Variants in GRIK1 observed in about 807,000 individuals in gnomAD.
The protein encoded by GRIK1 is glutamate receptor ionotropic, kainate 1.
In GRIK1, 69 loss-of-function variants were observed where a neutral mutation model predicts 105.7. That is an observed-to-expected ratio of 0.65 (90% CI 0.54 to 0.80). The LOEUF (loss-of-function observed/expected upper bound fraction) is 0.80. Among genes scored for constraint, GRIK1 ranks in the 30% least tolerant of loss-of-function variants. The probability of loss-of-function intolerance (pLI) is 0.00; values close to 1 mark genes in which losing one functional copy is unlikely to be tolerated. For synonymous variants in GRIK1, 438 were observed against 431.3 expected (o/e 1.02, Z -0.19); for missense variants, 1,109 against 1,167.3 (o/e 0.95, Z 0.73).
At chr21:29,797,705 G>A (rs1386037485) in intron 1 of GRIK1, among the ~76,000 whole-genome samples, 1 of 152,140 alleles carries the variant, frequency 6.6e-6, no homozygotes, top group African/African-American at 2.4e-5. Context: ...ACCTTGAAAA[G>A]AACAGTTCCA....
chr21:29,846,455 AAGAG>A (rs1251118465), intron 1 of GRIK1, among the ~76,000 whole-genome samples: 2 of 103,374 alleles, frequency 1.9e-5, no homozygotes, highest in Non-Finnish European at 3.8e-5. Flanking sequence ...GAAAGAAGGA[AAGAG>A]AGAGAGAAAG....
chr21:29,831,785 C>T (rs147373978), intron 1 of GRIK1, among the ~76,000 whole-genome samples: 1 of 152,202 alleles, frequency 6.6e-6, no homozygotes, highest in East Asian at 1.9e-4. Context: ...CTGCCCCCAG[C>T]CCCTCCAACA....
chr21:29,560,349 TTCTTTCTTTTTCTTTCTTCCTTC>T (rs2090384533), intron 15 of GRIK1, among the ~76,000 whole-genome samples: 16 of 105,410 alleles, frequency 1.5e-4, no homozygotes, highest in Admixed American at 8.1e-4. Context: ...CTTTCTTTCT[TTCTTTCTTTTTCTTTCTTCCTTC>T]CTTCCTTCCT....
intron 1 of GRIK1, among the ~76,000 whole-genome samples, chr21:29,937,797 A>ATAT (rs752883759): frequency 1.3e-5 from 2 of 149,394 alleles, no homozygotes; most frequent in African/African-American, 4.9e-5. Flanking sequence ...TGTTCAGAAT[A>ATAT]TTTTTTTTTT....
At chr21:29,690,323 C>T (rs1293177420) in intron 2 of GRIK1, among the ~76,000 whole-genome samples, 3 of 152,132 alleles carry the variant, frequency 2.0e-5, no homozygotes, top group Non-Finnish European at 4.4e-5. Flanking sequence ...TCCTAGTTAC[C>T]AACAAGCCCT....
chr21:29,888,009 A>G (rs2069701769), intron 1 of GRIK1, among the ~76,000 whole-genome samples: 1 of 151,666 alleles, frequency 6.6e-6, no homozygotes, highest in Non-Finnish European at 1.5e-5. Context: ...GAACTATGGT[A>G]AAAACCAACT....
At chr21:29,877,881 G>C (rs1456738867) in intron 1 of GRIK1, among the ~76,000 whole-genome samples, 1 of 152,092 alleles carries the variant, frequency 6.6e-6, no homozygotes, top group Non-Finnish European at 1.5e-5. Context: ...CTCCCCAATC[G>C]AGTAAGAAAA....
intron 9 of GRIK1, among the ~76,000 whole-genome samples, chr21:29,592,669 A>C (rs912385677): frequency 6.6e-6 from 1 of 152,210 alleles, no homozygotes; most frequent in Non-Finnish European, 1.5e-5. Flanking sequence ...CACAGGAATA[A>C]TGAGAAGATC....
At chr21:29,704,904 A>C (rs1018589113) in intron 1 of GRIK1, among the ~76,000 whole-genome samples, 7 of 152,216 alleles carry the variant, frequency 4.6e-5, no homozygotes, top group African/African-American at 1.7e-4. Context: ...AATTCATGCC[A>C]AACTTTTATT....
At chr21:29,677,292 C>T (rs1238496548) in intron 3 of GRIK1, among the ~76,000 whole-genome samples, 1 of 152,140 alleles carries the variant, frequency 6.6e-6, no homozygotes, top group African/African-American at 2.4e-5. Flanking sequence ...ACAAAACATA[C>T]AGATATAAAA....
chr21:29,904,570 C>T (rs752329003), intron 1 of GRIK1, among the ~76,000 whole-genome samples: 3 of 152,126 alleles, frequency 2.0e-5, no homozygotes, highest in East Asian at 1.9e-4. Context: ...CAATGACTCA[C>T]GCTTCTCAGA....
chr21:29,660,443 A>G (rs572745466), intron 4 of GRIK1, among the ~76,000 whole-genome samples: 4 of 152,298 alleles, frequency 2.6e-5, no homozygotes, highest in Admixed American at 1.3e-4. Flanking sequence ...TTATCTTAAG[A>G]AGCCTGGACC....
intron 4 of GRIK1, among the ~76,000 whole-genome samples, chr21:29,667,421 GT>G (rs1384237196): frequency 6.6e-6 from 1 of 152,082 alleles, no homozygotes; most frequent in African/African-American, 2.4e-5. Flanking sequence ...TCTTTGCCTT[GT>G]TTTTATGTTA....
intron 1 of GRIK1, among the ~76,000 whole-genome samples, chr21:29,853,309 T>A (rs2068364511): frequency 6.6e-6 from 1 of 152,198 alleles, no homozygotes; most frequent in South Asian, 2.1e-4. Flanking sequence ...GTTCTGATTT[T>A]TTGTTGTTGT....
At chr21:29,596,847 A>T (rs2061423886) in intron 8 of GRIK1, 1 of 451,528 alleles carries the variant, frequency 2.2e-6, no homozygotes, top group African/African-American at 2.0e-5. Context: ...CAATGTATAC[A>T]GGTATGCTGC....
chr21:29,735,669 G>A (rs771059463), intron 1 of GRIK1, among the ~76,000 whole-genome samples: 1 of 151,962 alleles, frequency 6.6e-6, no homozygotes, highest in Non-Finnish European at 1.5e-5. Flanking sequence ...GGTCGAGGCG[G>A]GTGGATCACC....
chr21:29,777,829 C>G (rs997636395), intron 1 of GRIK1, among the ~76,000 whole-genome samples: 2 of 152,110 alleles, frequency 1.3e-5, no homozygotes, highest in Non-Finnish European at 2.9e-5. Context: ...GAAAGAAAAA[C>G]GAATCCACAG....
chr21:29,750,933 A>G (rs1234641470), intron 1 of GRIK1, among the ~76,000 whole-genome samples: 2 of 152,200 alleles, frequency 1.3e-5, no homozygotes, highest in Non-Finnish European at 2.9e-5. Flanking sequence ...GAAAAGAGTC[A>G]GCGAAGGGAG....
chr21:29,550,106 T>C, intron 16 of GRIK1, among the ~76,000 whole-genome samples: 1 of 6,704 alleles, frequency 1.5e-4, no homozygotes, highest in Non-Finnish European at 3.2e-4. Context: ...AGACTCCATC[T>C]CAAAAAAAAA....
Sources: gnomAD v4.1 joint callset for allele counts (sites outside exome capture counted in the v4.1 genomes callset) on GRCh38, gnomAD v4.1.1 for gene constraint, MANE v1.5 for transcripts, NCBI Gene and HGNC (gene_info 2026-07-23, HGNC 2026-07-21) for gene names.